NRXN3: variants seen among roughly 807,000 people sequenced by gnomAD.
NRXN3 encodes neurexin 3.
In NRXN3, 32 loss-of-function variants were observed where a neutral mutation model predicts 137.6. The observed-to-expected ratio is 0.23, with a 90% CI of 0.18 to 0.31. The LOEUF (loss-of-function observed/expected upper bound fraction) is 0.31. Among genes scored for constraint, NRXN3 ranks in the 10% least tolerant of loss-of-function variants. The pLI is 1.00. For missense variants in NRXN3, 1,574 were observed against 2,062.5 expected, an observed-to-expected ratio of 0.76 and a Z score of 4.59; for synonymous variants, 798 against 784.5, an observed-to-expected ratio of 1.02 and a Z score of -0.29.
chr14:79,634,634 A>G (rs184082993), intron 16 of NRXN3, among the ~76,000 whole-genome samples: 4 of 152,242 alleles, frequency 2.6e-5, no homozygotes, highest in Admixed American at 2.0e-4. Context: ...GTTAAGGGAC[A>G]TGTCTGCAGT....
At chr14:79,261,054 GA>G (rs914376465) in intron 15 of NRXN3, among the ~76,000 whole-genome samples, 2 of 152,136 alleles carry the variant, frequency 1.3e-5, no homozygotes, top group African/African-American at 2.4e-5. Flanking sequence ...TCAAAGGTAA[GA>G]AAGGGGCTCC....
intron 19 of NRXN3, among the ~76,000 whole-genome samples, chr14:79,722,823 A>G (rs747464429): frequency 2.6e-5 from 4 of 152,172 alleles, no homozygotes; most frequent in African/African-American, 4.8e-5. Context: ...TTAGATTCAA[A>G]GAATGATAAA....
chr14:79,507,647 TG>T (rs1226410797), intron 16 of NRXN3, among the ~76,000 whole-genome samples: 1 of 152,124 alleles, frequency 6.6e-6, no homozygotes, highest in African/African-American at 2.4e-5. Context: ...GGTATCTAGG[TG>T]CATATTGCCT....
chr14:79,564,126 T>C (rs1277286582), intron 16 of NRXN3, among the ~76,000 whole-genome samples: 1 of 151,854 alleles, frequency 6.6e-6, no homozygotes, highest in Non-Finnish European at 1.5e-5. Context: ...GTAAGTGTAT[T>C]GATATGTTTT....
intron 17 of NRXN3, among the ~76,000 whole-genome samples, chr14:79,678,386 G>A (rs575603305): frequency 7.2e-5 from 11 of 152,024 alleles, no homozygotes; most frequent in Non-Finnish European, 1.6e-4. Flanking sequence ...AAATCTCTGT[G>A]GTAGAAACTG....
intron 4 of NRXN3, among the ~76,000 whole-genome samples, chr14:78,343,184 AC>A (rs2082329870): frequency 6.6e-6 from 1 of 152,138 alleles, no homozygotes; most frequent in Non-Finnish European, 1.5e-5. Context: ...AATCAACACA[AC>A]CAAGTTGAAT....
chr14:78,734,290 C>G (rs937680694), intron 8 of NRXN3, among the ~76,000 whole-genome samples: 2 of 150,738 alleles, frequency 1.3e-5, no homozygotes, highest in Non-Finnish European at 3.0e-5. Flanking sequence ...TTTCCCATTA[C>G]TTGAGAGATA....
At chr14:78,352,662 A>T (rs907174963) in intron 4 of NRXN3, among the ~76,000 whole-genome samples, 4 of 152,210 alleles carry the variant, frequency 2.6e-5, no homozygotes, top group African/African-American at 9.7e-5. Flanking sequence ...GCCATCTCAG[A>T]AATCACTTTG....
intron 15 of NRXN3, among the ~76,000 whole-genome samples, chr14:79,112,679 A>T (rs117586346): frequency 0.011 from 1,644 of 152,366 alleles, 17 homozygotes; most frequent in Non-Finnish European, 0.018. Context: ...AGTACCTTGA[A>T]AAAAGCCAGG....
intron 15 of NRXN3, among the ~76,000 whole-genome samples, chr14:79,427,001 T>C (rs972311150): frequency 1.3e-5 from 2 of 152,206 alleles, no homozygotes; most frequent in African/African-American, 4.8e-5. Context: ...AGTATAATTG[T>C]GAGTTTTGGG....
At chr14:78,834,776 T>G (rs1327315094) in intron 10 of NRXN3, among the ~76,000 whole-genome samples, 1 of 152,098 alleles carries the variant, frequency 6.6e-6, no homozygotes, top group African/African-American at 2.4e-5. Context: ...CACACACCAG[T>G]GTTGAAAGCA....
chr14:78,401,474 C>T (rs1344664757), intron 4 of NRXN3, among the ~76,000 whole-genome samples: 1 of 152,022 alleles, frequency 6.6e-6, no homozygotes, highest in Non-Finnish European at 1.5e-5. Context: ...CCAAAGGCCA[C>T]TTTTTAATAC....
intron 16 of NRXN3, among the ~76,000 whole-genome samples, chr14:79,477,855 T>A (rs973613698): frequency 2.0e-5 from 3 of 151,814 alleles, no homozygotes; most frequent in African/African-American, 7.3e-5. Flanking sequence ...TGTCAGCAGG[T>A]TGGATTAAAA....
chr14:79,481,240 A>T (rs1195015878), intron 16 of NRXN3, among the ~76,000 whole-genome samples: 1 of 152,224 alleles, frequency 6.6e-6, no homozygotes, highest in Non-Finnish European at 1.5e-5. Context: ...ACTAGTTAAC[A>T]GGCAGGGAGG....
chr14:79,051,540 G>A (rs1393511387), intron 15 of NRXN3, among the ~76,000 whole-genome samples: 1 of 152,128 alleles, frequency 6.6e-6, no homozygotes, highest in Non-Finnish European at 1.5e-5. Flanking sequence ...ACTAAACAGA[G>A]TCGGCACTAA....
chr14:79,051,152 G>A (rs2152569804), intron 15 of NRXN3, among the ~76,000 whole-genome samples: 1 of 152,214 alleles, frequency 6.6e-6, no homozygotes, highest in African/African-American at 2.4e-5. Flanking sequence ...GGTTCTAGCA[G>A]CCACACAGTA....
At chr14:78,505,422 A>T (rs67130322) in intron 4 of NRXN3, among the ~76,000 whole-genome samples, 63,278 of 151,864 alleles carry the variant, frequency 0.42, 13,360 homozygotes, top group East Asian at 0.51. Context: ...GCATGAGGAG[A>T]TTTAGAACTG....
intron 8 of NRXN3, among the ~76,000 whole-genome samples, chr14:78,746,933 G>A (rs187469309): frequency 1.2e-4 from 19 of 152,298 alleles, no homozygotes; most frequent in African/African-American, 4.3e-4. Flanking sequence ...CTTGACATAT[G>A]CATAAAAGTA....
chr14:79,789,967 A>G (rs1379726775), intron 19 of NRXN3, among the ~76,000 whole-genome samples: 2 of 152,164 alleles, frequency 1.3e-5, no homozygotes, highest in East Asian at 1.9e-4. Context: ...GCTTGTTCCT[A>G]GAGAGTAAGG....
Sources: allele counts gnomAD v4.1 joint callset (sites outside exome capture counted in the v4.1 genomes callset), GRCh38; gene constraint gnomAD v4.1.1; transcripts MANE v1.5; gene names NCBI Gene and HGNC (gene_info 2026-07-23, HGNC 2026-07-21).